Variants in DOCK1 observed in about 807,000 individuals in gnomAD.
The protein encoded by DOCK1 is dedicator of cytokinesis protein 1.
In DOCK1, 138 loss-of-function variants were observed where a neutral mutation model predicts 262.7. The observed-to-expected ratio is 0.53, with a 90% CI of 0.46 to 0.61. The LOEUF is 0.61. Ranked by LOEUF, DOCK1 falls within the 20% of genes least tolerant of loss-of-function variation. The pLI, the probability that DOCK1 is intolerant of heterozygous loss-of-function variation, is 0.00. For synonymous variants in DOCK1, 866 were observed against 867.4 expected, an observed-to-expected ratio of 1.00 and a Z score of 0.03; for missense variants, 1,908 against 2,370.7, an observed-to-expected ratio of 0.80 and a Z score of 4.05.
intron 27 of DOCK1, among the ~76,000 whole-genome samples, chr10:127,155,931 T>A (rs1166210471): frequency 6.6e-6 from 1 of 152,228 alleles, no homozygotes; most frequent in Non-Finnish European, 1.5e-5. Context: ...GATGAGGTAC[T>A]GCTCTACTAT....
intron 14 of DOCK1, 104 bp downstream of exon 14, chr10:127,023,428 AG>A: frequency 6.9e-7 from 1 of 1,449,664 alleles, no homozygotes; most frequent in Non-Finnish European, 9.3e-7. Context: ...GGGGCTTTGG[AG>A]TCCCGTTTCT....
chr10:127,047,279 GCC>G (rs2044412609), intron 21 of DOCK1, among the ~76,000 whole-genome samples: 1 of 152,124 alleles, frequency 6.6e-6, no homozygotes, highest in African/African-American at 2.4e-5. Context: ...CCTCACTACT[GCC>G]TCTATCATTT....
At chr10:126,953,995 G>A (rs1478842831) in intron 1 of DOCK1, among the ~76,000 whole-genome samples, 4 of 152,166 alleles carry the variant, frequency 2.6e-5, no homozygotes, top group African/African-American at 9.7e-5. Context: ...ACACACTGTC[G>A]TGGGCGCTTT....
intron 27 of DOCK1, among the ~76,000 whole-genome samples, chr10:127,216,418 A>G (rs1032505087): frequency 2.0e-5 from 3 of 152,080 alleles, no homozygotes; most frequent in African/African-American, 4.8e-5. Context: ...CTTTGGAAGC[A>G]TTGCCAGCTA....
At chr10:127,228,154 G>C (rs960867220) in intron 27 of DOCK1, among the ~76,000 whole-genome samples, 1 of 152,110 alleles carries the variant, frequency 6.6e-6, no homozygotes, top group Non-Finnish European at 1.5e-5. Context: ...GTAAATATCT[G>C]TCTTTAATAC....
chr10:127,248,759 A>G (rs2059517133), intron 28 of DOCK1, among the ~76,000 whole-genome samples: 1 of 152,180 alleles, frequency 6.6e-6, no homozygotes. Context: ...CTAAGATTCC[A>G]TTTCTAAGGA....
intron 27 of DOCK1, among the ~76,000 whole-genome samples, chr10:127,191,515 T>A (rs2056755491): frequency 1.3e-5 from 2 of 152,204 alleles, no homozygotes; most frequent in Non-Finnish European, 2.9e-5. Context: ...TAAGCAGATT[T>A]CACTGTACAA....
At chr10:127,338,851 C>T (rs548249142) in intron 29 of DOCK1, among the ~76,000 whole-genome samples, 155 bp from the exon 30 acceptor site, 2 of 152,210 alleles carry the variant, frequency 1.3e-5, no homozygotes, top group South Asian at 2.1e-4. Flanking sequence ...CATATAATTC[C>T]GTGATCTTTT....
At chr10:127,076,374 G>T (rs185589524) in intron 23 of DOCK1, among the ~76,000 whole-genome samples, 3 of 152,166 alleles carry the variant, frequency 2.0e-5, no homozygotes, top group Non-Finnish European at 4.4e-5. Flanking sequence ...GGTGGCTGGC[G>T]CCTGTAGTCC....
At chr10:127,250,392 C>G (rs1034218873) in intron 28 of DOCK1, among the ~76,000 whole-genome samples, 1 of 152,210 alleles carries the variant, frequency 6.6e-6, no homozygotes, top group Admixed American at 6.5e-5. Context: ...ATCCCAGGAT[C>G]AGATGTTTAC....
intron 1 of DOCK1, among the ~76,000 whole-genome samples, chr10:126,934,454 A>C (rs988305888): frequency 9.2e-5 from 14 of 152,230 alleles, no homozygotes; most frequent in Non-Finnish European, 1.8e-4. Context: ...CATTCGACTC[A>C]CTTTTTCATA....
chr10:127,257,318 T>C lies in DOCK1; in HGVS notation c.2950-17T>C. On this transcript the variant is annotated splice_polypyrimidine_tract_variant and intron_variant, in intron 28 of 51. Coordinates refer to ENST00000623213, the MANE Select transcript of DOCK1 (RefSeq NM_001290223.2). ...TTTCTTTGTGGGCCATTTCAGTGTT[T>C]TGTTTTTTTATTTCAGGATTTCCTA... The C allele has an allele frequency of 6.4e-7, 1 of 1,565,474 alleles. No individual in the cohort carries two copies. Among genetic ancestry groups the C allele is most frequent in the Non-Finnish European group, 8.7e-7 (1 of 1,151,058 alleles).
At chr10:127,031,892 C>G in intron 17 of DOCK1, 139 bp downstream of exon 17, 1 of 896,224 alleles carries the variant, frequency 1.1e-6, no homozygotes, top group Non-Finnish European at 1.7e-6. Flanking sequence ...TGAACATTTC[C>G]AATGACCAGC....
intron 23 of DOCK1, among the ~76,000 whole-genome samples, chr10:127,065,688 C>T (rs1217728748): frequency 1.3e-5 from 2 of 152,156 alleles, no homozygotes; most frequent in Non-Finnish European, 2.9e-5. Flanking sequence ...CTTTCCGCAG[C>T]TCCTCCAGCT....
In DOCK1 at chr10:127,397,597, T is replaced by TA. The variant is rs544026009; in HGVS notation, c.3928-5457dup. 7.0e-4 allele frequency among the ~76,000 whole-genome samples: 106 copies of TA among 151,898 alleles called. 2 individuals are homozygous for TA. Among genetic ancestry groups the TA allele is most frequent in the African/African-American group, 2.5e-3 (102 of 41,390 alleles). ...TGTCCTTTGTGATCTGAGCATGAGT[T>TA]ACACGGGCAGCGTCTCCTATGTGAT... On this transcript the variant is annotated intron_variant, in intron 38 of 51. Transcript: ENST00000623213.
chr10:127,098,618 G>C (rs138010421), intron 23 of DOCK1, among the ~76,000 whole-genome samples: 139 of 152,258 alleles, frequency 9.1e-4, no homozygotes, highest in African/African-American at 3.2e-3. Flanking sequence ...TTCACATAGC[G>C]AGTGATGGAG....
chr10:127,319,137 A>T (rs745575131), intron 29 of DOCK1, among the ~76,000 whole-genome samples: 8 of 152,262 alleles, frequency 5.3e-5, no homozygotes, highest in Non-Finnish European at 1.2e-4. Context: ...GGATAAAACC[A>T]AGAGAGATCA....
In DOCK1 at chr10:127,443,101, G is replaced by T. The variant is rs537844952; in HGVS notation, c.5260-1025G>T. Reference sequence around the variant, plus strand: ...CCTCTCTCCTCCTGTCTGGGGGTTTGCTGCCATCTCTGGTGTTTCTTGGCT... The same window carrying T: ...CCTCTCTCCTCCTGTCTGGGGGTTTTCTGCCATCTCTGGTGTTTCTTGGCT... On this transcript the variant is annotated intron_variant, in intron 49 of 51. Coordinates refer to ENST00000623213, the MANE Select transcript of DOCK1 (RefSeq NM_001290223.2). 2.6e-5 allele frequency among the ~76,000 whole-genome samples: 4 copies of T among 152,280 alleles called. No individual in the cohort carries two copies. In the South Asian group the frequency reaches 8.3e-4, roughly 32 times the overall value.
At position 127,451,612 on chromosome 10, in the gene DOCK1, A is replaced by G; in HGVS notation, c.*185A>G. 1 of 1,409,340 alleles carries G rather than the reference A, an allele frequency of 7.1e-7. No homozygotes were observed. The highest frequency in any genetic ancestry group is 9.4e-7 in the Non-Finnish European group (1 of 1,069,056). The allele number at this position is 1,409,340 out of a possible 1,614,324, so 87.3% of individuals were successfully genotyped here. ...GAGTGGCCTTTAGCGTCATGGAGCA[A>G]GGTGGGTCTGGGAGGTAGATATGGG... On this transcript the variant is annotated 3_prime_UTR_variant, in exon 52 of 52. Transcript: ENST00000623213.
Sources: gnomAD v4.1 joint callset for allele counts (sites outside exome capture counted in the v4.1 genomes callset) on GRCh38, gnomAD v4.1.1 for gene constraint, MANE v1.5 for transcripts, NCBI Gene and HGNC (gene_info 2026-07-23, HGNC 2026-07-21) for gene names.